The following ADIPOR1 variants were observed in gnomAD, a reference collection of about 807,000 sequenced individuals.
The protein encoded by ADIPOR1 is adiponectin receptor 1, also known as adiponectin receptor protein 1.
Under a neutral mutation model 37.5 loss-of-function variants are expected in ADIPOR1, and 15 were observed. That is an observed-to-expected ratio of 0.40 (90% confidence interval 0.27 to 0.62). The LOEUF is 0.62. ADIPOR1 is among the 20% of genes least tolerant of loss of function. ADIPOR1 has a pLI of 0.42. For synonymous variants in ADIPOR1, 173 were observed against 173.2 expected, an observed-to-expected ratio of 1.00 and a Z score of 0.01; for missense variants, 286 against 478.0, an observed-to-expected ratio of 0.60 and a Z score of 3.75.
rs757117798 is a variant in ADIPOR1, at chr1:202,943,839, C to T, written c.724G>A (p.Val242Ile). ...PQPRLIYLSI[V>I]CVLGISAIIV... ...ATGGCAGAAATGCCCAGGACACAGACGATGGAGAGGTAGATGAGCCGTGGC... is the reference window on the plus strand; with the variant it reads ...ATGGCAGAAATGCCCAGGACACAGATGATGGAGAGGTAGATGAGCCGTGGC... Residue 242 changes from valine (V) to isoleucine (I), a missense_variant, in exon 6 of 8, where the codon GTC (valine) becomes ATC (isoleucine). Physicochemically the swap from Val to Ile is conservative, Grantham distance 29. Coordinates refer to ENST00000340990, the MANE Select transcript of ADIPOR1 (RefSeq NM_015999.6). 7.4e-6 allele frequency: 12 copies of T among 1,613,946 alleles called. No homozygotes were observed. The highest frequency in any genetic ancestry group is 5.3e-5 in the African/African-American group (4 of 74,892).
chr1:202,941,956 T>C, intron 7 of ADIPOR1, 69 bp downstream of exon 7: 1 of 1,492,302 alleles, frequency 6.7e-7, no homozygotes, highest in Non-Finnish European at 9.1e-7. Flanking sequence ...ATACCACCTT[T>C]TCCTCAGCCC....
intron 2 of ADIPOR1, 102 bp downstream of exon 2, chr1:202,950,828 A>G: frequency 2.7e-6 from 4 of 1,475,292 alleles, no homozygotes; most frequent in Non-Finnish European, 3.7e-6. Flanking sequence ...TCCAGGATGC[A>G]ATGTTCCTCC....
rs1654089946 is a variant in ADIPOR1 at position 202,941,653 on chromosome 1, C to T, written c.1048G>A (p.Val350Ile). Reference sequence around the variant, plus strand: ...AGGTTGGAGACTCCATAGAAGTGGACAAAGGCTGCTGCCACCACCAGGACA... The same window carrying T: ...AGGTTGGAGACTCCATAGAAGTGGATAAAGGCTGCTGCCACCACCAGGACA... ...FHVLVVAAAF[V>I]HFYGVSNLQE... Residue 350 changes from valine (V) to isoleucine (I), a missense_variant, in exon 8 of 8, where the codon GTC becomes ATC. Physicochemically the swap from Val to Ile is conservative, Grantham distance 29. Transcript: ENST00000340990. The T allele has an allele frequency of 3.1e-6, 5 of 1,614,038 alleles. No individual in the cohort carries two copies. The highest frequency in any genetic ancestry group is 3.4e-6 in the Non-Finnish European group (4 of 1,179,988).
At chr1:202,950,885 G>A (rs1654549968) in intron 2 of ADIPOR1, 45 bp downstream of exon 2, 1 of 1,612,278 alleles carries the variant, frequency 6.2e-7, no homozygotes, top group Admixed American at 1.7e-5. Flanking sequence ...AGAGTTCTAA[G>A]GAGAGAAACT....
At position 202,946,530 on chromosome 1, in the gene ADIPOR1, A is replaced by C. The variant is rs773450844; in HGVS notation, c.339T>G (p.Gly113=). 1.1e-5 allele frequency: 18 copies of C among 1,614,062 alleles called. No individual in the cohort carries two copies. The South Asian group carries it at 1.4e-4, about 13-fold the overall frequency. ...WLKDNDYLLH[G]HRPPMPSFRA... Reference sequence around the variant, plus strand: ...GAAAGGAGGGCATGGGAGGTCTATGACCATGTAGCAGATAGTCGTTGTCCT... The same window carrying C: ...GAAAGGAGGGCATGGGAGGTCTATGCCCATGTAGCAGATAGTCGTTGTCCT... Residue 113 remains glycine (G), a synonymous_variant, in exon 4 of 8, where the codon GGT becomes GGG. Transcript: ENST00000340990.
At chr1:202,943,672 T>G in intron 6 of ADIPOR1, 86 bp downstream of exon 6, 1 of 1,459,088 alleles carries the variant, frequency 6.9e-7, no homozygotes, top group South Asian at 1.4e-5. Context: ...GTTCTCAAGC[T>G]GCAAACCTTA....
chr1:202,948,184 A>T, intron 3 of ADIPOR1, 120 bp downstream of exon 3: 1 of 816,102 alleles, frequency 1.2e-6, no homozygotes, highest in South Asian at 1.9e-5. Flanking sequence ...TAACCAAAAA[A>T]CAAATCCACT....
At chr1:202,954,014 C>T (rs1396570567) in intron 1 of ADIPOR1, among the ~76,000 whole-genome samples, 1 of 152,182 alleles carries the variant, frequency 6.6e-6, no homozygotes, top group African/African-American at 2.4e-5. Context: ...AGTTTTTATG[C>T]CCTCAAGTCT....
At position 202,942,115 on chromosome 1, in the gene ADIPOR1, G is replaced by A; in HGVS notation, c.909C>T (p.Phe303=). 6.2e-7 allele frequency: 1 copy of A among 1,614,162 alleles called. No homozygotes were observed. ...KATTVGQMGW[F]FLMAVMYITG... ...TGATGTACATCACAGCCATGAGGAA[G>A]AACCAGCCCATCTGGCCCACTGTGG... Residue 303 remains phenylalanine (F), a synonymous_variant, in exon 7 of 8, where the codon TTC becomes TTT. Coordinates refer to ENST00000340990, the MANE Select transcript of ADIPOR1 (RefSeq NM_015999.6).
chr1:202,945,843 T>C (rs1300187221), intron 4 of ADIPOR1, among the ~76,000 whole-genome samples: 5 of 152,060 alleles, frequency 3.3e-5, no homozygotes, highest in Non-Finnish European at 7.4e-5. Flanking sequence ...AATGATATAA[T>C]GGACTATGGA....
chr1:202,951,756 C>T (rs1654586354), intron 1 of ADIPOR1, among the ~76,000 whole-genome samples: 1 of 152,204 alleles, frequency 6.6e-6, no homozygotes, highest in African/African-American at 2.4e-5. Flanking sequence ...AATTCTATTA[C>T]AGGATTATAG....
intron 2 of ADIPOR1, among the ~76,000 whole-genome samples, chr1:202,950,026 G>T (rs1654501692): frequency 6.6e-6 from 1 of 151,984 alleles, no homozygotes; most frequent in African/African-American, 2.4e-5. Context: ...GCAATGGCAC[G>T]ATCTCGGCTC....
chr1:202,945,661 C>T (rs548094886), intron 4 of ADIPOR1, among the ~76,000 whole-genome samples: 60 of 152,212 alleles, frequency 3.9e-4, no homozygotes, highest in African/African-American at 1.4e-3. Flanking sequence ...GTATGTACAC[C>T]ATGGAATACT....
rs2102482379 is a variant in ADIPOR1 at position 202,943,841 on chromosome 1, A to T, written c.722T>A (p.Ile241Asn). Reference sequence around the variant, plus strand: ...GGCAGAAATGCCCAGGACACAGACGATGGAGAGGTAGATGAGCCGTGGCTG... The same window carrying T: ...GGCAGAAATGCCCAGGACACAGACGTTGGAGAGGTAGATGAGCCGTGGCTG... ...SPQPRLIYLS[I>N]VCVLGISAII... Residue 241 changes from isoleucine to asparagine, a missense_variant, in exon 6 of 8, where the codon ATC becomes AAC. Ile to Asn is a moderately radical substitution (Grantham distance 149, BLOSUM62 -3). Transcript: ENST00000340990. 1 of 1,614,196 alleles carries T rather than the reference A, an allele frequency of 6.2e-7. No homozygotes were observed. The highest frequency in any genetic ancestry group is 1.1e-5 in the South Asian group (1 of 91,080).
At chr1:202,952,927 G>A (rs760353013) in intron 1 of ADIPOR1, among the ~76,000 whole-genome samples, 17 of 152,152 alleles carry the variant, frequency 1.1e-4, no homozygotes, top group Non-Finnish European at 1.6e-4. Flanking sequence ...GAAAGCAACC[G>A]GCAATCTAGT....
chr1:202,957,271 C>T (rs1219857670), intron 1 of ADIPOR1, among the ~76,000 whole-genome samples: 3 of 152,148 alleles, frequency 2.0e-5, no homozygotes, highest in Non-Finnish European at 4.4e-5. Flanking sequence ...CCATTACAAT[C>T]ATTTGTTTTG....
At position 202,951,061 on chromosome 1, in the gene ADIPOR1, G is replaced by C; in HGVS notation, c.10C>G (p.His4Asp). Residue 4 changes from histidine to aspartate, a missense_variant, in exon 2 of 8, where the codon CAC (histidine) becomes GAC (aspartate). Physicochemically the swap from His to Asp is moderately conservative, Grantham distance 81. Transcript: ENST00000340990. ...CCCTGTGCCACCACAGATCCTTTGT[G>C]GGAAGACATCTGGCTGGTACCTCAA... MSS[H>D]KGSVVAQGNG... The C allele has an allele frequency of 6.2e-7, 1 of 1,614,106 alleles. No individual in the cohort carries two copies. The highest frequency in any genetic ancestry group is 8.5e-7 in the Non-Finnish European group (1 of 1,180,006).
At chr1:202,955,228 C>CTT (rs113380422) in intron 1 of ADIPOR1, among the ~76,000 whole-genome samples, 40,033 of 146,720 alleles carry the variant, frequency 0.27, 5,624 homozygotes, top group African/African-American at 0.32. Context: ...CAACAGAAGT[C>CTT]TTTTTTTTTT....
rs563136367 is a variant in ADIPOR1, at chr1:202,958,286, C to T, written c.-196G>A. 2 of 152,350 alleles carry T rather than the reference C, an allele frequency of 1.3e-5. No individual in the cohort carries two copies. The highest frequency in any genetic ancestry group is 2.4e-5 in the African/African-American group (1 of 41,576). 9.4% of individuals were successfully genotyped at this position (152,350 alleles called of 1,614,324 possible). A position where few individuals can be genotyped will look rare whatever the true frequency, so the allele number is the denominator to read the frequency against. On this transcript the variant is annotated 5_prime_UTR_variant, in exon 1 of 8. Transcript: ENST00000340990. ...GAGCGGCCCCGATCTTCAGCGCCCT[C>T]CCCGCGCCGGAAGGGGCGCGCGACC... is the stretch of plus-strand genomic sequence containing the variant.
Sources: gnomAD v4.1 joint callset for allele counts (sites outside exome capture counted in the v4.1 genomes callset) on GRCh38, gnomAD v4.1.1 for gene constraint, MANE v1.5 for transcripts, NCBI Gene and HGNC (gene_info 2026-07-23, HGNC 2026-07-21) for gene names.